KLHL5: variants seen among roughly 807,000 people sequenced by gnomAD.
KLHL5 encodes the protein kelch like family member 5.
In KLHL5, 48 loss-of-function variants were observed where a neutral mutation model predicts 77.7. The observed-to-expected ratio is 0.62, with a 90% CI of 0.49 to 0.79. The LOEUF (loss-of-function observed/expected upper bound fraction) is 0.79, where lower values mean the gene tolerates loss of function less well. Ranked by LOEUF, KLHL5 falls within the 30% of genes least tolerant of loss-of-function variation. The pLI is 0.00. For synonymous variants in KLHL5, 260 were observed against 297.0 expected (o/e 0.88, Z 1.28); for missense variants, 723 against 859.7 (o/e 0.84, Z 1.99).
At chr4:39,050,000 G>A (rs61142079) in intron 1 of KLHL5, among the ~76,000 whole-genome samples, 3,479 of 152,068 alleles carry the variant, frequency 0.023, 63 homozygotes, top group Middle Eastern at 0.055. Context: ...GCTTGAACCC[G>A]GGAAGCAGAG....
intron 4 of KLHL5, among the ~76,000 whole-genome samples, chr4:39,083,709 A>G (rs1719817042): frequency 6.6e-6 from 1 of 152,192 alleles, no homozygotes; most frequent in South Asian, 2.1e-4. Flanking sequence ...CTTCAAAATC[A>G]GTTTAGAATT....
chr4:39,054,329 C>A (rs1032897318), intron 1 of KLHL5, among the ~76,000 whole-genome samples: 2 of 152,166 alleles, frequency 1.3e-5, no homozygotes, highest in African/African-American at 4.8e-5. Context: ...TGCCACTCAC[C>A]AGATATAGGT....
rs950502618 is a variant in KLHL5 at position 39,081,361 on chromosome 4, C to A, written c.703+122C>A. On this transcript the variant is annotated intron_variant, in intron 3 of 10. Transcript: ENST00000504108. This position sits in a 1 kb window ranked among gnomAD's most constrained non-coding sequence, Gnocchi z 4.3. ...GTTAGTTCTGCTATTGTCATTACTA[C>A]CCTTTGTATTTAACCTGGTGATGAA... is the stretch of plus-strand genomic sequence containing the variant. 2 of 677,836 alleles carry A rather than the reference C, an allele frequency of 3.0e-6. No individual in the cohort carries two copies. The highest frequency in any genetic ancestry group is 4.5e-6 in the Non-Finnish European group (2 of 446,120). The allele number at this position is 677,836 out of a possible 1,614,324, so 42.0% of individuals were successfully genotyped here.
rs181719351 is a variant in KLHL5, at chr4:39,125,215, T to C, written c.*4149T>C. 1.6e-4 allele frequency among the ~76,000 whole-genome samples: 25 copies of C among 152,018 alleles called. 1 individual carries two copies. Among genetic ancestry groups the C allele is most frequent in the African/African-American group, 5.5e-4 (23 of 41,470 alleles). On this transcript the variant is annotated 3_prime_UTR_variant, in exon 11 of 11. Coordinates refer to ENST00000504108, the MANE Select transcript of KLHL5 (RefSeq NM_015990.5). ...AAATGTTAGAGAGGATGTGGAGAAA[T>C]TGAAAACCTTCATTCGTTGTTGGTG...
intron 10 of KLHL5, chr4:39,116,003 T>C: frequency 3.0e-6 from 3 of 985,724 alleles, no homozygotes; most frequent in African/African-American, 1.7e-5. Context: ...AAGATTTTCT[T>C]GTATACAAGG....
intron 6 of KLHL5, among the ~76,000 whole-genome samples, chr4:39,102,477 G>A (rs1169951867): frequency 1.3e-5 from 2 of 148,506 alleles, no homozygotes; most frequent in South Asian, 2.2e-4. Flanking sequence ...TACCCGATCC[G>A]TACTTACCCC....
intron 8 of KLHL5, chr4:39,112,635 G>T (rs1722526582): frequency 1.1e-5 from 2 of 189,678 alleles, no homozygotes; most frequent in Non-Finnish European, 2.2e-5. Flanking sequence ...TTCTTTCCTT[G>T]ATAATAAAGT....
upstream of KLHL5, among the ~76,000 whole-genome samples, chr4:39,061,039 T>C (rs1188183451): frequency 2.6e-5 from 4 of 152,210 alleles, no homozygotes. Flanking sequence ...TCTGTAGAAA[T>C]CTATCATTCT....
At chr4:39,063,498 AT>A in intron 1 of KLHL5, 4 of 404,364 alleles carry the variant, frequency 9.9e-6, no homozygotes, top group South Asian at 1.8e-5. Flanking sequence ...ATAGTCACCA[AT>A]TTTTTGACAC....
chr4:39,132,443 T>C, the KLHL5 span, among the ~76,000 whole-genome samples: 80,077 of 151,740 alleles, frequency 0.53, 21,700 homozygotes, highest in Non-Finnish European at 0.59. Context: ...ACTCTGTCTC[T>C]ACTAAAAATA....
At chr4:39,051,261 G>A (rs905597070) in intron 1 of KLHL5, among the ~76,000 whole-genome samples, 4 of 151,740 alleles carry the variant, frequency 2.6e-5, no homozygotes, top group Admixed American at 2.0e-4. Flanking sequence ...CAAACTACGC[G>A]ATAATCTCCT....
intron 7 of KLHL5, among the ~76,000 whole-genome samples, chr4:39,105,399 A>G (rs1021444894): frequency 2.0e-5 from 3 of 152,008 alleles, no homozygotes; most frequent in East Asian, 1.9e-4. Context: ...TGCCTGCCTC[A>G]GCCTCTCAAA....
intron 1 of KLHL5, among the ~76,000 whole-genome samples, chr4:39,049,053 T>C (rs968775213): frequency 1.3e-5 from 2 of 152,190 alleles, no homozygotes; most frequent in African/African-American, 2.4e-5. Context: ...GGGAAATGCA[T>C]TTCTACCATG....
chr4:39,105,942 A>G (rs1722002724), intron 7 of KLHL5, among the ~76,000 whole-genome samples: 1 of 152,140 alleles, frequency 6.6e-6, no homozygotes, highest in East Asian at 1.9e-4. Flanking sequence ...CCCAAGTGAC[A>G]TATTTTATCT....
At chr4:39,096,212 T>G (rs1404122086) in intron 5 of KLHL5, among the ~76,000 whole-genome samples, 1 of 150,528 alleles carries the variant, frequency 6.6e-6, no homozygotes, top group Non-Finnish European at 1.5e-5. Flanking sequence ...GACCAATCAC[T>G]GTTTGGAGTT....
At chr4:39,046,018 G>A (rs1344851472) in intron 1 of KLHL5, among the ~76,000 whole-genome samples, 8 of 145,560 alleles carry the variant, frequency 5.5e-5, no homozygotes, top group African/African-American at 2.0e-4. Flanking sequence ...ACCTCTGGCG[G>A]CAAAAAACCA....
intron 5 of KLHL5, among the ~76,000 whole-genome samples, chr4:39,092,308 G>C (rs1487996812): frequency 6.6e-6 from 1 of 152,026 alleles, no homozygotes; most frequent in East Asian, 1.9e-4. Context: ...CTGATACTTA[G>C]ATTAATGGCT....
At chr4:39,074,896 A>G (rs1323459678) in intron 1 of KLHL5, among the ~76,000 whole-genome samples, 2 of 152,168 alleles carry the variant, frequency 1.3e-5, no homozygotes, top group African/African-American at 2.4e-5. Context: ...TGCATAACCA[A>G]CCGACTTTGA....
chr4:39,045,093 C>T, exon 1 of KLHL5: 1 of 986,964 alleles, frequency 1.0e-6, no homozygotes, highest in Non-Finnish European at 1.2e-6. Context: ...CGGAGCCCGA[C>T]GCGGTAAGTG....
Sources: gnomAD v4.1 joint callset for allele counts (sites outside exome capture counted in the v4.1 genomes callset) on GRCh38, gnomAD v4.1.1 for gene constraint, Gnocchi (gnomAD v3.1) non-coding constraint, MANE v1.5 for transcripts, NCBI Gene and HGNC (gene_info 2026-07-23, HGNC 2026-07-21) for gene names.